WDR89: variants seen among roughly 807,000 people sequenced by gnomAD.
WDR89 encodes the protein WD repeat domain 89.
In WDR89, 17 loss-of-function variants were observed where a neutral mutation model predicts 29.1. The ratio of observed to expected loss-of-function variants is 0.58; its 90% CI spans 0.40 to 0.88. The LOEUF (loss-of-function observed/expected upper bound fraction) is 0.88. Ranked by LOEUF, WDR89 falls within the 40% of genes least tolerant of loss-of-function variation. WDR89 has a pLI of 0.00. For missense variants in WDR89, 396 were observed against 456.3 expected (o/e 0.87, Z 1.20); for synonymous variants, 138 against 157.8 (o/e 0.87, Z 0.94).
intron 2 of WDR89, among the ~76,000 whole-genome samples, chr14:63,600,354 G>A (rs1895002665): frequency 6.6e-6 from 1 of 151,956 alleles, no homozygotes; most frequent in Admixed American, 6.6e-5. Flanking sequence ...AAATTAGCAG[G>A]GCATGGTGGC....
At chr14:63,603,925 G>A (rs1296286085) in intron 2 of WDR89, among the ~76,000 whole-genome samples, 3 of 152,134 alleles carry the variant, frequency 2.0e-5, no homozygotes, top group Admixed American at 6.5e-5. Context: ...CCTTGAACAC[G>A]TCAGGCTTGC....
In WDR89 at chr14:63,599,340, A is replaced by T. The variant is rs1566787741; in HGVS notation, c.603T>A (p.Asn201Lys). Residue 201 changes from asparagine to lysine, a missense_variant, in exon 3 of 3, where the codon AAT becomes AAA. Physicochemically the swap from Asn to Lys is moderately conservative, Grantham distance 94. Transcript: ENST00000620954. The part of the protein sequence containing the change: ...SDGLVNVFDI[N>K]IDNEEDALVT... ...CCAGTGCATCCTCCTCATTATCAAT[A>T]TTAATATCAAATACATTTACCAGGC... The T allele has an allele frequency of 1.2e-6, 2 of 1,614,208 alleles. No individual in the cohort carries two copies. The highest frequency in any genetic ancestry group is 8.5e-7 in the Non-Finnish European group (1 of 1,180,040).
At chr14:63,603,263 T>TACACAC (rs111304246) in intron 2 of WDR89, among the ~76,000 whole-genome samples, 1 of 149,712 alleles carries the variant, frequency 6.7e-6, no homozygotes, top group African/African-American at 2.4e-5. Flanking sequence ...TTTCTCTCTC[T>TACACAC]ACACACACAC....
intron 1 of WDR89, among the ~76,000 whole-genome samples, chr14:63,628,063 C>T (rs563428449): frequency 6.6e-6 from 1 of 152,172 alleles, no homozygotes; most frequent in Non-Finnish European, 1.5e-5. Flanking sequence ...TAGCGAGATT[C>T]CATTCTCTAC....
chr14:63,631,546 T>A (rs115431016), intron 1 of WDR89, among the ~76,000 whole-genome samples: 2,292 of 147,996 alleles, frequency 0.015, 61 homozygotes, highest in African/African-American at 0.052. Flanking sequence ...AAAAAAAAAA[T>A]TTTTTTTTAA....
intron 1 of WDR89, among the ~76,000 whole-genome samples, chr14:63,627,324 T>A (rs1446131173): frequency 6.6e-6 from 1 of 152,168 alleles, no homozygotes; most frequent in Non-Finnish European, 1.5e-5. Flanking sequence ...GGATATTTAT[T>A]AAAGAATTGT....
chr14:63,633,616 TA>T (rs1271998351), intron 1 of WDR89, among the ~76,000 whole-genome samples: 2 of 152,214 alleles, frequency 1.3e-5, no homozygotes, highest in Non-Finnish European at 2.9e-5. Context: ...TCCCTAAATG[TA>T]AATATTTATA....
At chr14:63,605,170 A>C (rs200183732) in intron 2 of WDR89, among the ~76,000 whole-genome samples, 11,851 of 132,162 alleles carry the variant, frequency 0.09, 944 homozygotes, top group African/African-American at 0.26. Flanking sequence ...CTCTCTCTAT[A>C]TATATATATA....
At chr14:63,611,269 G>A (rs117510947) in intron 2 of WDR89, among the ~76,000 whole-genome samples, 2,107 of 150,632 alleles carry the variant, frequency 0.014, 25 homozygotes, top group Non-Finnish European at 0.022. Context: ...CCCAGGAGGC[G>A]GAGGTTGCGG....
rs369792608 is a variant in WDR89, at chr14:63,599,028, G to A, written c.915C>T (p.Cys305=). 1 of 1,614,196 alleles carries A rather than the reference G, an allele frequency of 6.2e-7. No homozygotes were observed. Among genetic ancestry groups the A allele is most frequent in the Non-Finnish European group, 8.5e-7 (1 of 1,180,028 alleles). Residue 305 remains cysteine, a synonymous_variant, in exon 3 of 3, where the codon TGC becomes TGT. Transcript: ENST00000620954. ...TNKGRIHLMN[C]SMSGLTHVTS... ...TCACATGGGTCAGTCCTGACATGCT[G>A]CAGTTCATCAAATGAATCCTTCCTT...
rs187548607 is a variant in WDR89 at position 63,621,551 on chromosome 14, T to C, written c.-32+3377A>G. Among the ~76,000 whole-genome samples the C allele has an allele frequency of 5.0e-3, 758 of 152,016 alleles. 33 individuals are homozygous for C. Among genetic ancestry groups the C allele is most frequent in the Admixed American group, 0.041 (620 of 15,236 alleles). On this transcript the variant is annotated intron_variant, in intron 2 of 2. Coordinates refer to ENST00000620954, the MANE Select transcript of WDR89 (RefSeq NM_080666.4). The stretch of plus-strand genomic sequence containing the variant: ...AGGTGTAGGTTGCAGTGAGATGAGA[T>C]CACACGATTGCACTGCAGCCTGAGT...
intron 2 of WDR89, among the ~76,000 whole-genome samples, 166 bp from the exon 3 acceptor site, chr14:63,600,139 A>C (rs2139483196): frequency 6.6e-6 from 1 of 152,300 alleles, no homozygotes; most frequent in East Asian, 1.9e-4. Context: ...TAATACTATA[A>C]TCATTTCCTT....
intron 2 of WDR89, among the ~76,000 whole-genome samples, chr14:63,616,723 T>C (rs1320217063): frequency 1.3e-5 from 2 of 152,194 alleles, no homozygotes; most frequent in East Asian, 3.8e-4. Flanking sequence ...CCATCGGTCA[T>C]GGTAAGAACT....
chr14:63,600,313 G>A (rs2139483625), intron 2 of WDR89, among the ~76,000 whole-genome samples: 1 of 151,642 alleles, frequency 6.6e-6, no homozygotes, highest in Admixed American at 6.6e-5. Flanking sequence ...GAGCAACATG[G>A]GGAGACCCCC....
chr14:63,617,674 G>A (rs578083284), intron 2 of WDR89, among the ~76,000 whole-genome samples: 11 of 152,062 alleles, frequency 7.2e-5, no homozygotes, highest in African/African-American at 2.4e-4. Flanking sequence ...TAGTCGAGAC[G>A]AGGTTTCACT....
intron 2 of WDR89, among the ~76,000 whole-genome samples, chr14:63,604,769 C>T (rs1477903603): frequency 1.3e-5 from 2 of 152,150 alleles, no homozygotes; most frequent in African/African-American, 4.8e-5. Flanking sequence ...TAATGCCTAA[C>T]TGATTCAACT....
In WDR89 at chr14:63,599,502, A is replaced by T; in HGVS notation, c.441T>A (p.Asp147Glu). 6.2e-7 allele frequency: 1 copy of T among 1,614,198 alleles called. No homozygotes were observed. The highest frequency in any genetic ancestry group is 8.5e-7 in the Non-Finnish European group (1 of 1,180,046). The change falls in exon 3 of 3, where the codon GAT becomes GAA. Residue 147 changes from aspartate (D) to glutamate (E), a missense_variant. Transcript: ENST00000620954. Reference protein sequence around the residue: ...VDDDALLVFWDARMNSQNLST... With the variant: ...VDDDALLVFWEARMNSQNLST... ...ATAAATTCTGAGAATTCATCCTTGC[A>T]TCCCAAAACACCAACAATGCATCAT...
At chr14:63,610,219 TAAAAAA>T (rs56984803) in intron 2 of WDR89, among the ~76,000 whole-genome samples, 1 of 65,326 alleles carries the variant, frequency 1.5e-5, no homozygotes, top group African/African-American at 7.2e-5. Context: ...GACTCTGTCT[TAAAAAA>T]AAAAAAAAAA....
At chr14:63,631,071 G>A (rs1883370245) in intron 1 of WDR89, among the ~76,000 whole-genome samples, 1 of 152,202 alleles carries the variant, frequency 6.6e-6, no homozygotes, top group Non-Finnish European at 1.5e-5. Flanking sequence ...AGCCTGTACT[G>A]TCTATTTCAA....
Sources: allele counts gnomAD v4.1 joint callset (sites outside exome capture counted in the v4.1 genomes callset), GRCh38; gene constraint gnomAD v4.1.1; transcripts MANE v1.5; gene names NCBI Gene and HGNC (gene_info 2026-07-23, HGNC 2026-07-21).